ERBB4: variants seen among roughly 807,000 people sequenced by gnomAD.
ERBB4 encodes the protein receptor tyrosine-protein kinase erbB-4.
A neutral mutation model predicts 158.0 loss-of-function variants in ERBB4; 42 were observed. The ratio of observed to expected loss-of-function variants is 0.27; its 90% CI spans 0.21 to 0.34. The LOEUF is 0.34. Among genes scored for constraint, ERBB4 ranks in the 10% least tolerant of loss-of-function variants. ERBB4 has a pLI of 1.00. For synonymous variants in ERBB4, 583 were observed against 558.7 expected (o/e 1.04, Z -0.61); for missense variants, 1,333 against 1,624.1 (o/e 0.82, Z 3.08).
At chr2:211,683,841 C>A (rs540689981) in intron 12 of ERBB4, among the ~76,000 whole-genome samples, 19 of 151,566 alleles carry the variant, frequency 1.3e-4, no homozygotes, top group African/African-American at 4.1e-4. Flanking sequence ...TTCTCTGCAT[C>A]TTCTCCCACA....
intron 20 of ERBB4, among the ~76,000 whole-genome samples, chr2:211,434,772 T>C (rs1172789409): frequency 6.6e-6 from 1 of 152,186 alleles, no homozygotes; most frequent in Non-Finnish European, 1.5e-5. Flanking sequence ...CTCTAGACAG[T>C]TTCCCTCACC....
chr2:212,175,731 T>TC (rs2125680205), intron 1 of ERBB4, among the ~76,000 whole-genome samples: 1 of 151,972 alleles, frequency 6.6e-6, no homozygotes, highest in South Asian at 2.1e-4. Context: ...ATTTTACCTC[T>TC]CCAAGTACAT....
intron 3 of ERBB4, among the ~76,000 whole-genome samples, chr2:211,938,347 A>G (rs1299966466): frequency 6.6e-6 from 1 of 152,160 alleles, no homozygotes; most frequent in Non-Finnish European, 1.5e-5. Flanking sequence ...GGGAGCCCAG[A>G]TTCTGAGCCT....
intron 1 of ERBB4, among the ~76,000 whole-genome samples, chr2:212,260,144 A>G (rs762842256): frequency 2.6e-5 from 4 of 152,156 alleles, no homozygotes; most frequent in Non-Finnish European, 4.4e-5. Context: ...CCTTTATGAA[A>G]TATCCACCTT....
At chr2:211,854,148 A>T (rs2077790896) in intron 3 of ERBB4, among the ~76,000 whole-genome samples, 1 of 152,122 alleles carries the variant, frequency 6.6e-6, no homozygotes, top group Admixed American at 6.6e-5. Flanking sequence ...CCTATATTTT[A>T]TGAAATTACA....
chr2:211,411,594 A>G (rs2063264070), intron 25 of ERBB4, among the ~76,000 whole-genome samples: 1 of 152,216 alleles, frequency 6.6e-6, no homozygotes, highest in Non-Finnish European at 1.5e-5. Context: ...AAAGAGATCA[A>G]TGTTGGGATG....
At chr2:212,453,399 A>G (rs1688105426) in intron 1 of ERBB4, among the ~76,000 whole-genome samples, 1 of 152,182 alleles carries the variant, frequency 6.6e-6, no homozygotes, top group Admixed American at 6.5e-5. Context: ...CACCCAAGCT[A>G]TATCTAGCAA....
intron 20 of ERBB4, among the ~76,000 whole-genome samples, chr2:211,517,391 T>G (rs545466200): frequency 1.3e-5 from 2 of 152,276 alleles, no homozygotes; most frequent in South Asian, 2.1e-4. Flanking sequence ...ATGAATCAAT[T>G]ATGTCATTTG....
chr2:211,675,219 T>TC (rs113292572), intron 13 of ERBB4, among the ~76,000 whole-genome samples: 87,276 of 123,712 alleles, frequency 0.71, 26,142 homozygotes, highest in African/African-American at 0.76. Flanking sequence ...TAGGGAGCTT[T>TC]GTTCCCTTGG....
At chr2:211,861,339 GTTTTTTT>G (rs1553648578) in intron 3 of ERBB4, among the ~76,000 whole-genome samples, 1 of 89,836 alleles carries the variant, frequency 1.1e-5, no homozygotes, top group African/African-American at 4.4e-5. Flanking sequence ...TTTTTTTTTT[GTTTTTTT>G]TTTGTTTTTT....
intron 3 of ERBB4, among the ~76,000 whole-genome samples, chr2:211,810,511 A>T (rs1220015025): frequency 6.6e-6 from 1 of 151,580 alleles, no homozygotes; most frequent in African/African-American, 2.4e-5. Flanking sequence ...TAGGATTGCA[A>T]CCCCGGCCGT....
At chr2:212,039,572 A>C (rs1177446179) in intron 2 of ERBB4, among the ~76,000 whole-genome samples, 1 of 152,188 alleles carries the variant, frequency 6.6e-6, no homozygotes, top group Non-Finnish European at 1.5e-5. Context: ...AGTGCTCAGC[A>C]TTGTTCAGTA....
At chr2:211,638,685 A>G (rs1479705615) in intron 16 of ERBB4, among the ~76,000 whole-genome samples, 1 of 152,132 alleles carries the variant, frequency 6.6e-6, no homozygotes, top group African/African-American at 2.4e-5. Context: ...CTTTTTTTCA[A>G]TATGTGAATG....
At chr2:212,295,421 A>T (rs985133683) in intron 1 of ERBB4, among the ~76,000 whole-genome samples, 3 of 152,056 alleles carry the variant, frequency 2.0e-5, no homozygotes, top group African/African-American at 7.2e-5. Context: ...TAAAACTTCA[A>T]CTCAAAGAAT....
At chr2:212,223,590 T>A (rs917514403) in intron 1 of ERBB4, among the ~76,000 whole-genome samples, 2 of 151,296 alleles carry the variant, frequency 1.3e-5, no homozygotes, top group Non-Finnish European at 3.0e-5. Flanking sequence ...ATTGAGGAAA[T>A]GATTTAGCAT....
intron 1 of ERBB4, among the ~76,000 whole-genome samples, chr2:212,144,510 A>G (rs2080597914): frequency 6.6e-6 from 1 of 152,214 alleles, no homozygotes; most frequent in South Asian, 2.1e-4. Context: ...AAAGTATTTG[A>G]CAAAATTAAT....
At chr2:211,585,169 G>A (rs994197521) in intron 19 of ERBB4, among the ~76,000 whole-genome samples, 5 of 151,884 alleles carry the variant, frequency 3.3e-5, no homozygotes, top group African/African-American at 4.8e-5. Flanking sequence ...TGGCTAACAC[G>A]GTGAAACCCC....
chr2:211,725,533 C>A lies in ERBB4; in HGVS notation c.623-339G>T, dbSNP rs10205612. 0.58 allele frequency among the ~76,000 whole-genome samples: 88,161 copies of A among 151,924 alleles called. 27,104 individuals carry two copies. Among genetic ancestry groups the A allele is most frequent in the African/African-American group, 0.79 (32,709 of 41,468 alleles). Reference sequence around the variant, plus strand: ...ACTGAGACAGGAGGATTGCTTGAGGCCAGTAGTTCAAAGATGCAGTGGGCT... The same window carrying A: ...ACTGAGACAGGAGGATTGCTTGAGGACAGTAGTTCAAAGATGCAGTGGGCT... On this transcript the variant is annotated intron_variant, in intron 5 of 27. Transcript: ENST00000342788.
chr2:211,671,186 C>T (rs192744608), intron 14 of ERBB4, among the ~76,000 whole-genome samples: 64 of 151,928 alleles, frequency 4.2e-4, no homozygotes, highest in African/African-American at 1.4e-3. Flanking sequence ...ATACAGTATA[C>T]AATAGATGAA....
Sources: allele counts gnomAD v4.1 joint callset (sites outside exome capture counted in the v4.1 genomes callset), GRCh38; gene constraint gnomAD v4.1.1; transcripts MANE v1.5; gene names NCBI Gene and HGNC (gene_info 2026-07-23, HGNC 2026-07-21).